The following FAM153A variants were observed in gnomAD, a reference collection of about 807,000 sequenced individuals.
FAM153A encodes the protein family with sequence similarity 153 member A.
A neutral mutation model predicts 48.1 loss-of-function variants in FAM153A; 12 were observed. The ratio of observed to expected loss-of-function variants is 0.25; its 90% CI spans 0.16 to 0.40. FAM153A has a LOEUF of 0.40. Ranked by LOEUF, FAM153A falls within the 10% of genes least tolerant of loss-of-function variation. FAM153A has a pLI of 1.00. For missense variants in FAM153A, 111 were observed against 345.8 expected (o/e 0.32, Z 5.38); for synonymous variants, 36 against 118.2 (o/e 0.30, Z 4.51).
intron 14 of FAM153A, among the ~76,000 whole-genome samples, chr5:177,733,936 AGT>A (rs929819393): frequency 5.9e-5 from 7 of 118,006 alleles, no homozygotes; most frequent in Admixed American, 2.7e-4. Context: ...GGTTAATTAA[AGT>A]GTCCTGTGCG....
chr5:177,768,683 G>A (rs1768904405), intron 1 of FAM153A, among the ~76,000 whole-genome samples: 1 of 112,128 alleles, frequency 8.9e-6, no homozygotes, highest in Admixed American at 9.1e-5. Context: ...GAAATAAAGA[G>A]GTCATAAGTT....
At chr5:177,707,862 A>T (rs1274531194), downstream of FAM153A, 1 of 151,956 alleles carries the variant, frequency 6.6e-6, no homozygotes. Flanking sequence ...CACCCAGCCG[A>T]TTAGATAGGC....
chr5:177,734,933 A>G (rs1267988460), exon 13 of FAM153A: 2 of 1,531,930 alleles, frequency 1.3e-6, no homozygotes, highest in Admixed American at 1.8e-5. Flanking sequence ...CCTGATCAGA[A>G]CTAGGAGGAT....
rs1414112082 is a variant in FAM153A at position 177,767,243 on chromosome 5, A to AT, written c.-57+13205dup. 4.0e-4 allele frequency: 9 copies of AT among 22,236 alleles called. 2 individuals are homozygous for AT. The highest frequency in any genetic ancestry group is 1.4e-3 in the African/African-American group (9 of 6,310). 1.4% of individuals were successfully genotyped at this position (22,236 alleles called of 1,614,324 possible). A position where few individuals can be genotyped will look rare whatever the true frequency, so the allele number is the denominator to read the frequency against. On this transcript the variant is annotated intron_variant, in intron 1 of 8. Transcript: ENST00000393518. ...AATAATTGTATAGAATATTAAAAGC[A>AT]TAAGAAGGCACAGTGATACATGCCT... is the stretch of plus-strand genomic sequence containing the variant.
chr5:177,710,948 C>G (rs893386535), downstream of FAM153A: 5 of 151,756 alleles, frequency 3.3e-5, no homozygotes, highest in African/African-American at 1.2e-4. Context: ...CTGCTCCCAG[C>G]TGGGATACAC....
At chr5:177,768,949 T>C (rs1162949948) in intron 1 of FAM153A, among the ~76,000 whole-genome samples, 1 of 93,496 alleles carries the variant, frequency 1.1e-5, no homozygotes, top group South Asian at 4.1e-4. Context: ...ACCAGCCGGG[T>C]GCAGTGGCTC....
chr5:177,724,058 T>A, exon 21 of FAM153A: 1 of 1,608,862 alleles, frequency 6.2e-7, no homozygotes, highest in Non-Finnish European at 8.5e-7. Context: ...ATGGAGTGGG[T>A]GTCTGTTTCC....
chr5:177,696,795 T>G, the FAM153A span, among the ~76,000 whole-genome samples: 1 of 151,710 alleles, frequency 6.6e-6, no homozygotes, highest in African/African-American at 2.4e-5. Flanking sequence ...ACCTCCCAAG[T>G]AGCTGATACT....
At chr5:177,736,952 C>A in intron 11 of FAM153A, 90 bp downstream of exon 13, 3 of 1,130,066 alleles carry the variant, frequency 2.7e-6, no homozygotes, top group Non-Finnish European at 3.6e-6. Flanking sequence ...CTATAGTGTA[C>A]ATGGTGAGAT....
chr5:177,768,379 A>G (rs1476758394), intron 1 of FAM153A, among the ~76,000 whole-genome samples: 1 of 151,832 alleles, frequency 6.6e-6, no homozygotes, highest in Non-Finnish European at 1.5e-5. Flanking sequence ...GTGACTGACA[A>G]CCTTCAGCTC....
chr5:177,698,219 C>T, the FAM153A span, among the ~76,000 whole-genome samples: 3 of 151,830 alleles, frequency 2.0e-5, no homozygotes, highest in African/African-American at 7.3e-5. Context: ...GTTTTCAAAA[C>T]ATAGCATCTG....
the FAM153A span, among the ~76,000 whole-genome samples, chr5:177,696,816 G>A: frequency 6.6e-6 from 1 of 151,526 alleles, no homozygotes; most frequent in Non-Finnish European, 1.5e-5. Context: ...ATAAGCATGA[G>A]CCATCGTGCC....
In FAM153A at chr5:177,759,945, T is replaced by A. The variant is rs141745900; in HGVS notation, c.-56-11246A>T. 1.2e-3 allele frequency among the ~76,000 whole-genome samples: 176 copies of A among 149,738 alleles called. 4 individuals are homozygous for A. The highest frequency in any genetic ancestry group is 3.9e-3 in the African/African-American group (156 of 39,768). On this transcript the variant is annotated intron_variant, in intron 1 of 8. Transcript: ENST00000393518. ...TTGTGCACATGTACCCTAAAACTTA[T>A]AGTATAATAAACAAAAAGTAAAAAA...
At chr5:177,754,903 A>G (rs1223613927), upstream of FAM153A, among the ~76,000 whole-genome samples, 1 of 151,832 alleles carries the variant, frequency 6.6e-6, no homozygotes, top group Admixed American at 6.6e-5. Flanking sequence ...AGAGCAGAAA[A>G]ACTCAAAATT....
At chr5:177,708,456 A>G (rs958472626), downstream of FAM153A, among the ~76,000 whole-genome samples, 76 of 151,936 alleles carry the variant, frequency 5.0e-4, no homozygotes, top group Non-Finnish European at 7.8e-4. Context: ...ACATGCCTGT[A>G]ATCCCAGCTA....
chr5:177,712,997 T>C (rs1021022152), exon 27 of FAM153A: 3 of 151,936 alleles, frequency 2.0e-5, no homozygotes, highest in African/African-American at 7.3e-5. Context: ...TCTTTGACAC[T>C]GTGCTCTACC....
chr5:177,696,997 G>A, the FAM153A span, among the ~76,000 whole-genome samples: 2 of 151,936 alleles, frequency 1.3e-5, no homozygotes, highest in African/African-American at 2.4e-5. Flanking sequence ...GTGGAATTTT[G>A]AAAGGATTGC....
chr5:177,729,594 G>A (rs1403666615), intron 16 of FAM153A, 39 bp from the exon 19 acceptor site: 1 of 1,608,276 alleles, frequency 6.2e-7, no homozygotes, highest in Non-Finnish European at 8.5e-7. Context: ...GAGCTCCACT[G>A]AGTGAATCCC....
intron 25 of FAM153A, among the ~76,000 whole-genome samples, chr5:177,716,156 G>A (rs919620345): frequency 2.0e-5 from 3 of 151,088 alleles, no homozygotes; most frequent in Non-Finnish European, 4.4e-5. Flanking sequence ...GCTAATTTTC[G>A]TGTTTTTAGT....
Sources: allele counts gnomAD v4.1 joint callset (sites outside exome capture counted in the v4.1 genomes callset), GRCh38; gene constraint gnomAD v4.1.1; transcripts MANE v1.5; gene names NCBI Gene and HGNC (gene_info 2026-07-23, HGNC 2026-07-21).